DPP10: variants seen among roughly 807,000 people sequenced by gnomAD.
DPP10 encodes the protein dipeptidyl peptidase like 10, also known as inactive dipeptidyl peptidase 10.
DPP10 carries 33 observed loss-of-function variants against 120.9 expected under a neutral mutation model. The ratio of observed to expected loss-of-function variants is 0.27; its 90% CI spans 0.21 to 0.37. DPP10 has a LOEUF of 0.37. DPP10 is among the 10% of genes least tolerant of loss of function. DPP10 has a pLI of 1.00. For missense variants in DPP10, 816 were observed against 942.8 expected (o/e 0.87, Z 1.76); for synonymous variants, 337 against 326.1 (o/e 1.03, Z -0.36).
intron 1 of DPP10, among the ~76,000 whole-genome samples, chr2:114,861,323 A>G (rs929910133): frequency 2.0e-5 from 3 of 152,152 alleles, no homozygotes; most frequent in African/African-American, 7.2e-5. Flanking sequence ...CAACTCCCAC[A>G]TGACAACCAC....
chr2:115,753,957 A>C (rs1679079177), intron 11 of DPP10, among the ~76,000 whole-genome samples: 1 of 152,190 alleles, frequency 6.6e-6, no homozygotes, highest in African/African-American at 2.4e-5. Flanking sequence ...GTTCTGGAAA[A>C]GATGGAGTAC....
intron 25 of DPP10, among the ~76,000 whole-genome samples, chr2:115,841,673 GATA>G (rs1304313998): frequency 2.0e-5 from 3 of 152,148 alleles, no homozygotes; most frequent in Non-Finnish European, 4.4e-5. Flanking sequence ...GAATTAATGG[GATA>G]ATATTTGTAT....
rs906799751 is a variant in DPP10 at position 115,761,530 on chromosome 2, G to T, written c.1075-1042G>T. 9.1e-4 allele frequency among the ~76,000 whole-genome samples: 139 copies of T among 152,048 alleles called. 1 individual carries two copies. Among genetic ancestry groups the T allele is most frequent in the Non-Finnish European group, 2.4e-4 (16 of 68,008 alleles). On this transcript the variant is annotated intron_variant, in intron 11 of 25. Transcript: ENST00000410059. ...CAAATGAAGTTTTGAGCTCTCAGGG[G>T]TTCTACCAAAACTTGGTGGTACTAA... is the stretch of plus-strand genomic sequence containing the variant.
chr2:115,086,878 C>T (rs1341161772), intron 1 of DPP10, among the ~76,000 whole-genome samples: 2 of 152,160 alleles, frequency 1.3e-5, no homozygotes. Context: ...GTGTCATGGG[C>T]CGTGGTCACT....
chr2:114,537,804 G>T (rs1686634549), intron 1 of DPP10, among the ~76,000 whole-genome samples: 1 of 152,172 alleles, frequency 6.6e-6, no homozygotes, highest in African/African-American at 2.4e-5. Context: ...GGCAGCTTTG[G>T]AGCCAGAGCC....
At chr2:115,559,136 A>G (rs2080405937) in intron 5 of DPP10, among the ~76,000 whole-genome samples, 1 of 152,254 alleles carries the variant, frequency 6.6e-6, no homozygotes, top group Non-Finnish European at 1.5e-5. Flanking sequence ...CAGATTGACT[A>G]TATATACTAT....
intron 1 of DPP10, among the ~76,000 whole-genome samples, chr2:114,918,317 A>G (rs1694952079): frequency 6.6e-6 from 1 of 152,156 alleles, no homozygotes; most frequent in Non-Finnish European, 1.5e-5. Flanking sequence ...GTGAGGGTGC[A>G]GAGAAAAGGA....
intron 7 of DPP10, among the ~76,000 whole-genome samples, chr2:115,722,845 T>G (rs575964137): frequency 6.6e-6 from 1 of 152,172 alleles, no homozygotes; most frequent in Non-Finnish European, 1.5e-5. Context: ...GTGGTCCAGA[T>G]AGAAGAGATT....
chr2:114,484,209 G>A (rs535852107), intron 1 of DPP10, among the ~76,000 whole-genome samples: 25 of 152,172 alleles, frequency 1.6e-4, no homozygotes, highest in East Asian at 5.8e-4. Flanking sequence ...AGGTATCTCC[G>A]ACAACTCTGA....
chr2:114,683,468 T>G (rs1573959816), intron 1 of DPP10, among the ~76,000 whole-genome samples: 1 of 151,048 alleles, frequency 6.6e-6, no homozygotes, highest in Middle Eastern at 3.4e-3. Context: ...CTTCCTCCCT[T>G]CCTTCCAACC....
chr2:115,399,485 G>A (rs1050685744), intron 3 of DPP10, among the ~76,000 whole-genome samples: 12 of 152,116 alleles, frequency 7.9e-5, no homozygotes, highest in African/African-American at 2.6e-4. Flanking sequence ...TACTTGATTT[G>A]CAGCCCAAAT....
intron 1 of DPP10, among the ~76,000 whole-genome samples, chr2:114,606,111 G>A (rs1692773165): frequency 1.3e-5 from 2 of 152,126 alleles, no homozygotes; most frequent in Non-Finnish European, 2.9e-5. Flanking sequence ...AATAAAGCTT[G>A]CAGTTCTTTA....
intron 5 of DPP10, among the ~76,000 whole-genome samples, chr2:115,556,260 C>T (rs1456140370): frequency 1.3e-5 from 2 of 151,490 alleles, no homozygotes; most frequent in Non-Finnish European, 2.9e-5. Flanking sequence ...CAAACTTGGT[C>T]AATCCATGGC....
intron 1 of DPP10, among the ~76,000 whole-genome samples, chr2:114,840,716 G>T (rs796372124): frequency 1.3e-5 from 2 of 152,230 alleles, no homozygotes; most frequent in African/African-American, 4.8e-5. Flanking sequence ...GATTCCAGAA[G>T]TCACAGAGTA....
At chr2:115,327,480 G>A (rs2062437143) in intron 2 of DPP10, among the ~76,000 whole-genome samples, 1 of 151,996 alleles carries the variant, frequency 6.6e-6, no homozygotes, top group East Asian at 1.9e-4. Flanking sequence ...TTGCTTGAAG[G>A]GGCTCGAATT....
At chr2:114,971,216 T>A (rs1434631205) in intron 1 of DPP10, among the ~76,000 whole-genome samples, 1 of 152,182 alleles carries the variant, frequency 6.6e-6, no homozygotes, top group Non-Finnish European at 1.5e-5. Flanking sequence ...ATTCAAATTT[T>A]GAGGTCACAT....
At chr2:115,174,673 A>T (rs1475038943) in intron 1 of DPP10, among the ~76,000 whole-genome samples, 1 of 152,228 alleles carries the variant, frequency 6.6e-6, no homozygotes, top group Non-Finnish European at 1.5e-5. Flanking sequence ...AGATGAATGT[A>T]TAGTTATACT....
At chr2:114,895,810 AC>A (rs1459660031) in intron 1 of DPP10, among the ~76,000 whole-genome samples, 3 of 152,114 alleles carry the variant, frequency 2.0e-5, no homozygotes, top group African/African-American at 7.2e-5. Flanking sequence ...TAACTATGTA[AC>A]CCCAGGGATT....
At chr2:114,915,980 C>A (rs191968507) in intron 1 of DPP10, among the ~76,000 whole-genome samples, 132 of 151,582 alleles carry the variant, frequency 8.7e-4, no homozygotes, top group Non-Finnish European at 1.6e-3. Context: ...GAAGAAATAA[C>A]CAAAATCAGA....
Sources: allele counts gnomAD v4.1 joint callset (sites outside exome capture counted in the v4.1 genomes callset), GRCh38; gene constraint gnomAD v4.1.1; transcripts MANE v1.5; gene names NCBI Gene and HGNC (gene_info 2026-07-23, HGNC 2026-07-21).